The following MED27 variants were observed in gnomAD, a reference collection of about 807,000 sequenced individuals.
The protein encoded by MED27 is mediator of RNA polymerase II transcription subunit 27.
Under a neutral mutation model 38.2 loss-of-function variants are expected in MED27, and 30 were observed. The observed-to-expected ratio is 0.79, with a 90% CI of 0.59 to 1.07. MED27 has a LOEUF of 1.07. Among genes scored for constraint, MED27 ranks in the 50% least tolerant of loss-of-function variants. The pLI, the probability that MED27 is intolerant of heterozygous loss-of-function variation, is 0.00. For synonymous variants in MED27, 122 were observed against 153.5 expected (o/e 0.79, Z 1.52); for missense variants, 289 against 397.5 (o/e 0.73, Z 2.32).
intron 2 of MED27, 138 bp downstream of exon 2, chr9:132,077,304 A>G (rs1834073573): frequency 2.4e-6 from 2 of 848,276 alleles, no homozygotes; most frequent in East Asian, 2.6e-5. Flanking sequence ...GAAAAATTCT[A>G]CAACTTCCAA....
intron 3 of MED27, among the ~76,000 whole-genome samples, chr9:131,970,774 CA>C (rs1283712612): frequency 6.6e-6 from 1 of 152,148 alleles, no homozygotes; most frequent in African/African-American, 2.4e-5. Context: ...AGAGACATCA[CA>C]GAAAGCACAG....
chr9:132,078,236 T>C (rs1038385527), intron 1 of MED27, among the ~76,000 whole-genome samples: 1 of 152,116 alleles, frequency 6.6e-6, no homozygotes, highest in African/African-American at 2.4e-5. Flanking sequence ...AGTCCCAAAC[T>C]GCCAACAAAA....
At chr9:131,898,533 G>T (rs1829872777) in intron 4 of MED27, among the ~76,000 whole-genome samples, 1 of 149,848 alleles carries the variant, frequency 6.7e-6, no homozygotes, top group South Asian at 2.1e-4. Context: ...ATTTTTTATA[G>T]AGCCAAAAAA....
At chr9:131,907,187 G>T (rs1202134980) in intron 4 of MED27, among the ~76,000 whole-genome samples, 2 of 151,998 alleles carry the variant, frequency 1.3e-5, no homozygotes, top group African/African-American at 4.8e-5. Flanking sequence ...GACTAAGAAT[G>T]CCTAACGTGC....
intron 6 of MED27, among the ~76,000 whole-genome samples, chr9:131,881,800 C>CTTTTTTTTTTTTTTTTTTTTTTTTTTT (rs61624043): frequency 1.6e-5 from 1 of 60,974 alleles, no homozygotes; most frequent in Non-Finnish European, 3.0e-5. Context: ...TCTTCTTCTT[C>CTTTTTTTTTTTTTTTTTTTTTTTTTTT]TTTTTTTTTT....
chr9:131,991,230 AC>A (rs1418786950), intron 3 of MED27, among the ~76,000 whole-genome samples: 4 of 152,194 alleles, frequency 2.6e-5, no homozygotes, highest in Non-Finnish European at 5.9e-5. Flanking sequence ...ACCTAAATGC[AC>A]CTGTGAGAGA....
intron 3 of MED27, among the ~76,000 whole-genome samples, chr9:132,011,650 G>C (rs540752160): frequency 2.6e-5 from 4 of 152,284 alleles, no homozygotes; most frequent in Admixed American, 2.0e-4. Context: ...CTGGGTGACA[G>C]AGGAAAAACA....
At chr9:131,910,666 A>C (rs1403034756) in intron 4 of MED27, among the ~76,000 whole-genome samples, 1 of 152,216 alleles carries the variant, frequency 6.6e-6, no homozygotes, top group Non-Finnish European at 1.5e-5. Context: ...GGCTGAAAAG[A>C]AAGCTTCCAT....
rs1028359336 is a variant in MED27, at chr9:132,051,872, C to A, written c.348+25570G>T. ...ACCAGAAGAATCCCGATGGACGAGA[C>A]TGAGGTGCCAAAACAGGTCCCTTTC... On this transcript the variant is annotated intron_variant, in intron 2 of 7. Transcript: ENST00000292035. This position sits in a 1 kb window ranked among gnomAD's most constrained non-coding sequence, Gnocchi z 4.2. 1.3e-5 allele frequency among the ~76,000 whole-genome samples: 2 copies of A among 152,186 alleles called. No homozygotes were observed. Among genetic ancestry groups the A allele is most frequent in the African/African-American group, 4.8e-5 (2 of 41,444 alleles).
At chr9:131,934,341 T>C (rs1299242304) in intron 4 of MED27, among the ~76,000 whole-genome samples, 1 of 151,902 alleles carries the variant, frequency 6.6e-6, no homozygotes, top group East Asian at 1.9e-4. Flanking sequence ...GAAGAGACAG[T>C]CCATAGAATG....
At chr9:132,025,429 G>A (rs140023859) in intron 2 of MED27, among the ~76,000 whole-genome samples, 5 of 152,312 alleles carry the variant, frequency 3.3e-5, no homozygotes, top group East Asian at 1.9e-4. Flanking sequence ...TGATCTGCCC[G>A]CCTCGACCTC....
intron 3 of MED27, among the ~76,000 whole-genome samples, chr9:131,968,245 G>C (rs917704620): frequency 6.6e-6 from 1 of 152,098 alleles, no homozygotes; most frequent in African/African-American, 2.4e-5. Flanking sequence ...TGCCAAGGTA[G>C]GAGGGATTGC....
intron 6 of MED27, among the ~76,000 whole-genome samples, chr9:131,866,488 G>A (rs573145900): frequency 8.4e-4 from 127 of 151,486 alleles, no homozygotes; most frequent in Non-Finnish European, 1.4e-3. Flanking sequence ...AAGCAGCCTC[G>A]TGGTTCCAAG....
At chr9:131,934,593 C>G (rs990486777) in intron 4 of MED27, among the ~76,000 whole-genome samples, 5 of 152,084 alleles carry the variant, frequency 3.3e-5, no homozygotes, top group Admixed American at 6.5e-5. Flanking sequence ...AAAAGAGAAC[C>G]CTTGTACACT....
chr9:131,981,341 G>GT (rs1831731648), intron 3 of MED27, among the ~76,000 whole-genome samples: 1 of 152,150 alleles, frequency 6.6e-6, no homozygotes, highest in Non-Finnish European at 1.5e-5. Context: ...CAAAACTGGC[G>GT]TAAGACATGT....
chr9:132,063,725 A>G (rs1833747159), intron 2 of MED27, among the ~76,000 whole-genome samples: 1 of 152,166 alleles, frequency 6.6e-6, no homozygotes, highest in Non-Finnish European at 1.5e-5. Flanking sequence ...GAATCTAGTT[A>G]GGCAGGAACA....
intron 5 of MED27, among the ~76,000 whole-genome samples, chr9:131,887,681 C>A (rs1245025707): frequency 6.6e-6 from 1 of 152,052 alleles, no homozygotes; most frequent in African/African-American, 2.4e-5. Context: ...CTGCAATATT[C>A]AAAAAAGGAG....
intron 6 of MED27, among the ~76,000 whole-genome samples, chr9:131,876,821 G>A (rs1365592757): frequency 6.6e-6 from 1 of 152,216 alleles, no homozygotes; most frequent in East Asian, 1.9e-4. Context: ...ACAGAACTTT[G>A]TCTTGCTACA....
At position 132,059,601 on chromosome 9, in the gene MED27, T is replaced by C. The variant is rs542033852; in HGVS notation, c.348+17841A>G. Among the ~76,000 whole-genome samples the C allele has an allele frequency of 1.6e-3, 242 of 152,280 alleles. 1 individual carries two copies. The highest frequency in any genetic ancestry group is 5.7e-3 in the African/African-American group (236 of 41,544). On this transcript the variant is annotated intron_variant, in intron 2 of 7. Transcript: ENST00000292035. Reference sequence around the variant, plus strand: ...GGGGCGGGCCGAGGGAGGGCTCTGCTGAGCCGCGACAGTGGAAGCCTTAAA... The same window carrying C: ...GGGGCGGGCCGAGGGAGGGCTCTGCCGAGCCGCGACAGTGGAAGCCTTAAA...
Sources: gnomAD v4.1 joint callset for allele counts (sites outside exome capture counted in the v4.1 genomes callset) on GRCh38, gnomAD v4.1.1 for gene constraint, Gnocchi (gnomAD v3.1) non-coding constraint, MANE v1.5 for transcripts, NCBI Gene and HGNC (gene_info 2026-07-23, HGNC 2026-07-21) for gene names.